GRM8: variants seen among roughly 807,000 people sequenced by gnomAD.
GRM8 encodes glutamate metabotropic receptor 8, also known as metabotropic glutamate receptor 8.
A neutral mutation model predicts 87.2 loss-of-function variants in GRM8; 47 were observed. The observed-to-expected ratio is 0.54, with a 90% confidence interval of 0.43 to 0.69. The LOEUF (loss-of-function observed/expected upper bound fraction) is 0.69, where lower values mean the gene tolerates loss of function less well. Ranked by LOEUF, GRM8 falls within the 30% of genes least tolerant of loss-of-function variation. The pLI, the probability that GRM8 is intolerant of heterozygous loss-of-function variation, is 0.00. For synonymous variants in GRM8, 396 were observed against 404.5 expected (o/e 0.98, Z 0.25); for missense variants, 1,019 against 1,139.2 (o/e 0.89, Z 1.52).
intron 3 of GRM8, among the ~76,000 whole-genome samples, chr7:126,973,211 G>A (rs548666106): frequency 1.3e-5 from 2 of 152,230 alleles, no homozygotes; most frequent in African/African-American, 4.8e-5. Flanking sequence ...CTGCAGTAGG[G>A]CCCCAAAATT....
chr7:126,681,009 T>G (rs1807505007), intron 7 of GRM8, among the ~76,000 whole-genome samples: 1 of 152,220 alleles, frequency 6.6e-6, no homozygotes, highest in African/African-American at 2.4e-5. Flanking sequence ...ACATTTATTT[T>G]TAGAGTTTAA....
At chr7:126,646,479 T>G (rs1803107561) in intron 7 of GRM8, among the ~76,000 whole-genome samples, 1 of 152,086 alleles carries the variant, frequency 6.6e-6, no homozygotes, top group South Asian at 2.1e-4. Flanking sequence ...CCTCTGTAAT[T>G]TCCTCCCTCT....
intron 6 of GRM8, among the ~76,000 whole-genome samples, chr7:126,844,248 GCAT>G (rs1177984178): frequency 6.6e-6 from 1 of 152,126 alleles, no homozygotes; most frequent in Non-Finnish European, 1.5e-5. Context: ...GTACAAAAGA[GCAT>G]CTGGAATTTG....
chr7:126,640,592 G>C (rs949929090), intron 7 of GRM8, among the ~76,000 whole-genome samples: 2 of 151,890 alleles, frequency 1.3e-5, no homozygotes, highest in African/African-American at 4.8e-5. Context: ...ATATTAGGGT[G>C]GGTGCATATA....
chr7:127,086,973 G>C lies in GRM8; in HGVS notation c.727+19523C>G, dbSNP rs188559015. 1.5e-3 allele frequency among the ~76,000 whole-genome samples: 223 copies of C among 152,328 alleles called. 1 individual carries two copies. Among genetic ancestry groups the C allele is most frequent in the South Asian group, 5.2e-3 (25 of 4,822 alleles). ...CCACAGGGAGGGCTCGATGCCAAAA[G>C]CTGGGGAGAAAACTAAAGTTTCTCC... On this transcript the variant is annotated intron_variant, in intron 3 of 10. Transcript: ENST00000339582.
intron 3 of GRM8, among the ~76,000 whole-genome samples, chr7:126,920,487 G>C (rs1804404471): frequency 6.6e-6 from 1 of 152,144 alleles, no homozygotes; most frequent in Non-Finnish European, 1.5e-5. Context: ...AGCTCAGTGA[G>C]AGCCCACAAG....
chr7:127,055,241 T>C (rs1298784140), intron 3 of GRM8, among the ~76,000 whole-genome samples: 1 of 152,058 alleles, frequency 6.6e-6, no homozygotes, highest in Non-Finnish European at 1.5e-5. Context: ...AAAAGAAAAC[T>C]AAAGAAGGAC....
In GRM8 at chr7:127,188,550, T is replaced by G. The variant is rs187970204; in HGVS notation, c.510+54145A>C. ...CTTGAAAAAAACCATCTTCAATGAA[T>G]GGACTGCCATCTGTGCTTTATTATT... On this transcript the variant is annotated intron_variant, in intron 2 of 10. Coordinates refer to ENST00000339582, the MANE Select transcript of GRM8 (RefSeq NM_000845.3). Among the ~76,000 whole-genome samples the G allele has an allele frequency of 1.2e-3, 179 of 152,332 alleles. 1 individual carries two copies. Among genetic ancestry groups the G allele is most frequent in the African/African-American group, 4.3e-3 (178 of 41,592 alleles).
At chr7:127,157,288 A>C (rs1038516601) in intron 2 of GRM8, among the ~76,000 whole-genome samples, 2 of 151,930 alleles carry the variant, frequency 1.3e-5, no homozygotes, top group Non-Finnish European at 2.9e-5. Flanking sequence ...GACAGGAGAG[A>C]AGAGAGGGAA....
chr7:127,236,105 A>C (rs1183230755), intron 2 of GRM8, among the ~76,000 whole-genome samples: 1 of 152,210 alleles, frequency 6.6e-6, no homozygotes, highest in African/African-American at 2.4e-5. Flanking sequence ...GGGGTGATTA[A>C]ATTGGCTAAT....
chr7:126,548,384 C>T (rs1817410425), intron 8 of GRM8, among the ~76,000 whole-genome samples: 1 of 151,320 alleles, frequency 6.6e-6, no homozygotes, highest in African/African-American at 2.4e-5. Context: ...TGGGAGAAAT[C>T]GTCCTTAAGT....
intron 2 of GRM8, among the ~76,000 whole-genome samples, chr7:127,140,788 G>T (rs559496767): frequency 1.3e-5 from 2 of 152,266 alleles, no homozygotes; most frequent in Admixed American, 1.3e-4. Flanking sequence ...CCTGCTGTTT[G>T]TCATTAAACC....
intron 8 of GRM8, among the ~76,000 whole-genome samples, chr7:126,550,409 G>T (rs1038887599): frequency 6.6e-6 from 1 of 151,944 alleles, no homozygotes; most frequent in African/African-American, 2.4e-5. Flanking sequence ...ACCGCACCCG[G>T]CCGAAAAAGT....
intron 7 of GRM8, among the ~76,000 whole-genome samples, chr7:126,658,022 T>G (rs1185115696): frequency 6.6e-6 from 1 of 152,264 alleles, no homozygotes; most frequent in Non-Finnish European, 1.5e-5. Flanking sequence ...GCTGATGATG[T>G]GTTGGCTGGA....
chr7:126,843,108 A>G (rs527558130), intron 6 of GRM8, among the ~76,000 whole-genome samples: 1 of 143,158 alleles, frequency 7.0e-6, no homozygotes, highest in East Asian at 2.7e-4. Flanking sequence ...AAAGAAGATA[A>G]CTATCCATAA....
chr7:126,842,860 C>A (rs903654454), intron 6 of GRM8, among the ~76,000 whole-genome samples: 28 of 152,150 alleles, frequency 1.8e-4, no homozygotes, highest in African/African-American at 6.8e-4. Flanking sequence ...TCCAGAGAGA[C>A]CCATTTCAAA....
At chr7:126,559,928 G>A (rs1793536520) in intron 8 of GRM8, among the ~76,000 whole-genome samples, 1 of 152,138 alleles carries the variant, frequency 6.6e-6, no homozygotes, top group Admixed American at 6.5e-5. Context: ...GTCCTGAATA[G>A]CAGCATCAGT....
Position 126,598,428 on chromosome 7 carries a change from A to G in GRM8, c.1494+10934T>C, listed in dbSNP as rs570958793. ...CTTAAAATAGTAACAAGATTACTTCACCTACTCTACTGAACAGCCTAGATG... is the reference window on the plus strand; with the variant it reads ...CTTAAAATAGTAACAAGATTACTTCGCCTACTCTACTGAACAGCCTAGATG... On this transcript the variant is annotated intron_variant, in intron 8 of 10. Transcript: ENST00000339582. Among the ~76,000 whole-genome samples the G allele has an allele frequency of 2.6e-4, 40 of 152,102 alleles. No individual in the cohort carries two copies. In the South Asian group the frequency reaches 8.3e-3, roughly 32 times the overall value.
chr7:126,724,070 T>A (rs1812710074), intron 7 of GRM8, among the ~76,000 whole-genome samples: 1 of 152,194 alleles, frequency 6.6e-6, no homozygotes, highest in African/African-American at 2.4e-5. Context: ...TATGTTTTTA[T>A]GTTTTCTCTG....
Sources: gnomAD v4.1 joint callset for allele counts (sites outside exome capture counted in the v4.1 genomes callset) on GRCh38, gnomAD v4.1.1 for gene constraint, MANE v1.5 for transcripts, NCBI Gene and HGNC (gene_info 2026-07-23, HGNC 2026-07-21) for gene names.